PDE11A: variants seen among roughly 807,000 people sequenced by gnomAD.
PDE11A encodes the protein dual 3',5'-cyclic-AMP and -GMP phosphodiesterase 11A.
Under a neutral mutation model 100.5 loss-of-function variants are expected in PDE11A, and 100 were observed. That is an observed-to-expected ratio of 1.00 (90% CI 0.85 to 1.18). The LOEUF (loss-of-function observed/expected upper bound fraction) is 1.18, where lower values mean the gene tolerates loss of function less well. Among genes scored for constraint, PDE11A ranks in the 50% most tolerant of loss-of-function variants. The pLI is 0.00. For missense variants in PDE11A, 1,141 were observed against 1,152.6 expected, an observed-to-expected ratio of 0.99 and a Z score of 0.15; for synonymous variants, 381 against 420.8, an observed-to-expected ratio of 0.91 and a Z score of 1.16.
chr2:178,037,150 T>C (rs1250355319), intron 1 of PDE11A, among the ~76,000 whole-genome samples: 4 of 152,140 alleles, frequency 2.6e-5, no homozygotes, highest in Admixed American at 6.5e-5. Flanking sequence ...ATCCAGAATC[T>C]ACCAGGAACT....
intron 1 of PDE11A, among the ~76,000 whole-genome samples, chr2:178,068,676 A>G (rs1212795733): frequency 6.6e-6 from 1 of 152,180 alleles, no homozygotes; most frequent in East Asian, 1.9e-4. Context: ...AAATTAAAAC[A>G]TCATCACAAA....
chr2:177,928,191 A>G (rs2085157549), intron 2 of PDE11A, among the ~76,000 whole-genome samples: 1 of 151,978 alleles, frequency 6.6e-6, no homozygotes, highest in South Asian at 2.1e-4. Flanking sequence ...AAGCTTTATG[A>G]CAATCACTTG....
chr2:177,834,205 A>C (rs2083354372), intron 6 of PDE11A, among the ~76,000 whole-genome samples: 2 of 152,202 alleles, frequency 1.3e-5, no homozygotes, highest in African/African-American at 4.8e-5. Flanking sequence ...TAAGGAGCAA[A>C]AAAATCCTGC....
chr2:178,071,682 G>T lies in PDE11A; in HGVS notation c.756C>A (p.Thr252=). ...LVEGAAAGKK[T]LVSKFFDVHA... is the part of the protein sequence containing the mutation. ...GCACATCAAAGAATTTGGAGACCAA[G>T]GTCTTCTTGCCAGCAGCTGCCCCTT... Residue 252 remains threonine, a synonymous_variant, in exon 1 of 20, where the codon ACC becomes ACA. Transcript: ENST00000286063. 1.9e-6 allele frequency: 3 copies of T among 1,613,548 alleles called. No individual in the cohort carries two copies. Among genetic ancestry groups the T allele is most frequent in the Non-Finnish European group, 2.5e-6 (3 of 1,179,452 alleles).
intron 1 of PDE11A, among the ~76,000 whole-genome samples, chr2:178,034,307 C>A (rs558066029): frequency 1.3e-5 from 2 of 150,392 alleles, no homozygotes; most frequent in African/African-American, 4.9e-5. Context: ...AAGGGATCAA[C>A]GCAACAAGAA....
chr2:177,806,981 A>G (rs910975556), intron 9 of PDE11A, among the ~76,000 whole-genome samples: 7 of 152,214 alleles, frequency 4.6e-5, no homozygotes, highest in Middle Eastern at 3.4e-3. Flanking sequence ...GAGAGAGAGA[A>G]TAGGAAAAAA....
At chr2:177,954,348 C>T (rs2085536027) in intron 2 of PDE11A, among the ~76,000 whole-genome samples, 1 of 152,004 alleles carries the variant, frequency 6.6e-6, no homozygotes, top group Non-Finnish European at 1.5e-5. Context: ...AAGTATCCTC[C>T]ATAAAAGAGC....
chr2:177,911,469 T>C (rs945663256), intron 2 of PDE11A, among the ~76,000 whole-genome samples: 2 of 152,204 alleles, frequency 1.3e-5, no homozygotes, highest in African/African-American at 2.4e-5. Context: ...TAAATGACTT[T>C]TGTTAGTTCA....
At chr2:177,632,003 T>C (rs763101096) in intron 19 of PDE11A, among the ~76,000 whole-genome samples, 11 of 152,162 alleles carry the variant, frequency 7.2e-5, no homozygotes, top group Non-Finnish European at 8.8e-5. Flanking sequence ...TAAGAATCCA[T>C]ATAGGAAGTT....
intron 2 of PDE11A, among the ~76,000 whole-genome samples, chr2:177,996,024 C>T (rs2086068768): frequency 6.6e-6 from 1 of 152,048 alleles, no homozygotes; most frequent in South Asian, 2.1e-4. Flanking sequence ...GTTAGGAGTT[C>T]GAGACCAGCC....
At chr2:178,003,812 G>A (rs892111763) in intron 2 of PDE11A, among the ~76,000 whole-genome samples, 4 of 152,282 alleles carry the variant, frequency 2.6e-5, no homozygotes, top group African/African-American at 9.6e-5. Flanking sequence ...ATATAAAACT[G>A]CAGATATCGG....
At position 177,626,488 on chromosome 2, in the gene PDE11A, CG is replaced by C. The variant is rs1374275142; in HGVS notation, c.*2918del. On this transcript the variant is annotated 3_prime_UTR_variant, in exon 20 of 20. Coordinates refer to ENST00000286063, the MANE Select transcript of PDE11A (RefSeq NM_016953.4). Reference sequence around the variant, plus strand: ...CTGCAGTGCTTCGGAGCTGCAGACACGTCACGATCTCGCAGACCAGACTCTG... The same window carrying C: ...CTGCAGTGCTTCGGAGCTGCAGACACTCACGATCTCGCAGACCAGACTCTG... 1 of 152,664 alleles carries C rather than the reference CG, an allele frequency of 6.6e-6. No individual in the cohort carries two copies. Among genetic ancestry groups the C allele is most frequent in the African/African-American group, 2.4e-5 (1 of 41,442 alleles). 9.5% of individuals were successfully genotyped at this position (152,664 alleles called of 1,614,324 possible).
chr2:177,821,697 A>G (rs2083144024), intron 6 of PDE11A, among the ~76,000 whole-genome samples: 3 of 151,914 alleles, frequency 2.0e-5, no homozygotes, highest in Admixed American at 2.0e-4. Context: ...TCCTTGTGAA[A>G]GTAATTTGAT....
chr2:177,773,359 C>T (rs1472224351), intron 9 of PDE11A, among the ~76,000 whole-genome samples: 2 of 152,234 alleles, frequency 1.3e-5, no homozygotes. Context: ...ATATATACCT[C>T]ATGCTGTCTT....
intron 5 of PDE11A, among the ~76,000 whole-genome samples, chr2:177,841,715 T>C (rs1247728753): frequency 6.6e-6 from 1 of 152,220 alleles, no homozygotes; most frequent in Non-Finnish European, 1.5e-5. Context: ...CATCCCTTAT[T>C]GCATATTAAA....
At chr2:177,896,194 T>C (rs759500822) in intron 4 of PDE11A, among the ~76,000 whole-genome samples, 2 of 152,160 alleles carry the variant, frequency 1.3e-5, no homozygotes, top group Non-Finnish European at 2.9e-5. Context: ...TCTATCTAGA[T>C]GGTGTATTTT....
chr2:177,747,555 G>A (rs980475326), intron 10 of PDE11A, among the ~76,000 whole-genome samples: 6 of 152,288 alleles, frequency 3.9e-5, no homozygotes, highest in Middle Eastern at 3.4e-3. Flanking sequence ...CAATTCTGGC[G>A]GTGTTCCAAA....
chr2:177,988,032 A>G (rs941987921), intron 2 of PDE11A, among the ~76,000 whole-genome samples: 1 of 152,252 alleles, frequency 6.6e-6, no homozygotes, highest in African/African-American at 2.4e-5. Context: ...ATTGCCACAC[A>G]CAAAATCTTG....
intron 10 of PDE11A, among the ~76,000 whole-genome samples, chr2:177,749,283 T>C (rs979230688): frequency 6.6e-6 from 1 of 152,154 alleles, no homozygotes; most frequent in Non-Finnish European, 1.5e-5. Context: ...ACAATCATAG[T>C]TCATTGTAAC....
Sources: gnomAD v4.1 joint callset for allele counts (sites outside exome capture counted in the v4.1 genomes callset) on GRCh38, gnomAD v4.1.1 for gene constraint, MANE v1.5 for transcripts, NCBI Gene and HGNC (gene_info 2026-07-23, HGNC 2026-07-21) for gene names.